The following DOT1L variants were observed in gnomAD, a reference collection of about 807,000 sequenced individuals.
The protein encoded by DOT1L is histone-lysine N-methyltransferase, H3 lysine-79 specific.
Under a neutral mutation model 153.3 loss-of-function variants are expected in DOT1L, and 33 were observed. That is an observed-to-expected ratio of 0.22 (90% CI 0.16 to 0.29). The LOEUF is 0.29. DOT1L is among the 10% of genes least tolerant of loss of function. DOT1L has a pLI of 1.00. For synonymous variants in DOT1L, 1,135 were observed against 965.1 expected, an observed-to-expected ratio of 1.18 and a Z score of -3.26; for missense variants, 1,847 against 2,119.9, an observed-to-expected ratio of 0.87 and a Z score of 2.53.
At chr19:2,165,391 C>T (rs921183338) in intron 1 of DOT1L, among the ~76,000 whole-genome samples, 2 of 152,166 alleles carry the variant, frequency 1.3e-5, no homozygotes. Flanking sequence ...CGGGTCGGTG[C>T]GAGTGGATGG....
intron 19 of DOT1L, 37 bp from the exon 20 acceptor site, chr19:2,216,244 C>G (rs373453217): frequency 6.5e-7 from 1 of 1,530,926 alleles, no homozygotes; most frequent in Non-Finnish European, 8.8e-7. Flanking sequence ...AGTGGTCCCC[C>G]GGTGGGGCGG....
Position 2,222,828 on chromosome 19 carries a change from G to A in DOT1L, c.3390+269G>A, listed in dbSNP as rs1213119961. ...GAACCCGGGAGGCGGGGCTTGCAGT[G>A]AACTGAGATCGGCCACTGCCTGGGC... On this transcript the variant is annotated intron_variant, in intron 24 of 27. Coordinates refer to ENST00000398665, the MANE Select transcript of DOT1L (RefSeq NM_032482.3). This position sits in a 1 kb window ranked among gnomAD's most constrained non-coding sequence, Gnocchi z 6.5. The A allele has an allele frequency of 4.3e-6, 2 of 462,804 alleles. No homozygotes were observed. The allele number at this position is 462,804 out of a possible 1,614,324, so 28.7% of individuals were successfully genotyped here.
At chr19:2,228,174 A>G in intron 27 of DOT1L, 1 of 1,364,002 alleles carries the variant, frequency 7.3e-7, no homozygotes, top group Non-Finnish European at 9.8e-7. Context: ...CCTCCCGCAC[A>G]AGGGCGCCCG....
chr19:2,223,012 G>A (rs979999988), intron 24 of DOT1L: 2 of 517,672 alleles, frequency 3.9e-6, no homozygotes, highest in Non-Finnish European at 3.4e-6. Context: ...GGAGTGCGAT[G>A]CGCTGCCTGC....
Position 2,190,675 on chromosome 19 carries a change from C to T in DOT1L, c.265-337C>T, listed in dbSNP as rs2022752031. The stretch of plus-strand genomic sequence containing the variant: ...TGACGGGGGTCCCTTGGTGTCAGCG[C>T]CCCACCCTGCTGCCTTGGCCCAGAG... On this transcript the variant is annotated intron_variant, in intron 4 of 27. Transcript: ENST00000398665. This position sits in a 1 kb window ranked among gnomAD's most constrained non-coding sequence, Gnocchi z 4.8. 1.3e-5 allele frequency among the ~76,000 whole-genome samples: 2 copies of T among 151,858 alleles called. No homozygotes were observed. The highest frequency in any genetic ancestry group is 1.5e-5 in the Non-Finnish European group (1 of 67,930).
chr19:2,200,441 T>C (rs1460632671), intron 8 of DOT1L, among the ~76,000 whole-genome samples: 1 of 152,186 alleles, frequency 6.6e-6, no homozygotes, highest in Admixed American at 6.5e-5. Flanking sequence ...ACTGTCCAGG[T>C]CCGTCCCCAC....
intron 1 of DOT1L, among the ~76,000 whole-genome samples, chr19:2,165,899 G>A (rs1159365342): frequency 6.6e-6 from 1 of 151,566 alleles, no homozygotes; most frequent in Non-Finnish European, 1.5e-5. Context: ...CTCCCCAGTA[G>A]CTAGGACTAT....
At chr19:2,184,710 C>T (rs2022410311) in intron 2 of DOT1L, among the ~76,000 whole-genome samples, 1 of 152,190 alleles carries the variant, frequency 6.6e-6, no homozygotes, top group Non-Finnish European at 1.5e-5. Context: ...GTCCTGATGG[C>T]ACCGAATGCC....
At chr19:2,194,603 T>C (rs2022938356) in intron 7 of DOT1L, 26 bp downstream of exon 7, 2 of 1,605,416 alleles carry the variant, frequency 1.2e-6, no homozygotes, top group Admixed American at 1.7e-5. Context: ...CCGCCCCGGC[T>C]CCCATCGCCG....
At chr19:2,196,726 G>T (rs963749806) in intron 7 of DOT1L, among the ~76,000 whole-genome samples, 4 of 152,038 alleles carry the variant, frequency 2.6e-5, no homozygotes, top group African/African-American at 9.7e-5. Context: ...TCCCTTTCCC[G>T]TACCCTCGTG....
chr19:2,171,160 G>T (rs1437478574), intron 1 of DOT1L, among the ~76,000 whole-genome samples: 2 of 152,156 alleles, frequency 1.3e-5, no homozygotes, highest in Admixed American at 6.5e-5. Context: ...GCCTTGCTGT[G>T]TTGCCCCAGG....
rs1461920834 is a variant in DOT1L, at chr19:2,217,587, G to A, written c.2545-185G>A. Among the ~76,000 whole-genome samples the A allele has an allele frequency of 6.6e-6, 1 of 152,102 alleles. No individual in the cohort carries two copies. The highest frequency in any genetic ancestry group is 1.5e-5 in the Non-Finnish European group (1 of 68,000). ...TGCTTTCAGACACCAGGAGCGTGCC[G>A]TCCCTCTGGAGTGTCCCAAAGCCGG... On this transcript the variant is annotated intron_variant, in intron 21 of 27. Coordinates refer to ENST00000398665, the MANE Select transcript of DOT1L (RefSeq NM_032482.3). The surrounding 1 kb of genome is among the most constrained non-coding windows in gnomAD (Gnocchi z 7.3).
rs1054713491 is a variant in DOT1L at position 2,204,934 on chromosome 19, G to A, written c.788-1795G>A. ...TCCAGGGGAGGAGAGCTGGGATGGC[G>A]GAGTGTGCATGTGTTTAAATGGATC... is the stretch of plus-strand genomic sequence containing the variant. On this transcript the variant is annotated intron_variant, in intron 9 of 27. Coordinates refer to ENST00000398665, the MANE Select transcript of DOT1L (RefSeq NM_032482.3). This position sits in a 1 kb window ranked among gnomAD's most constrained non-coding sequence, Gnocchi z 5.7. 6.6e-6 allele frequency among the ~76,000 whole-genome samples: 1 copy of A among 152,086 alleles called. No homozygotes were observed. Among genetic ancestry groups the A allele is most frequent in the Non-Finnish European group, 1.5e-5 (1 of 68,004 alleles).
chr19:2,218,878 A>C (rs2024010869), intron 22 of DOT1L, among the ~76,000 whole-genome samples: 1 of 149,682 alleles, frequency 6.7e-6, no homozygotes, highest in Non-Finnish European at 1.5e-5. Context: ...CGCCCCCACC[A>C]GCTGAGACGG....
At chr19:2,227,589 A>AGCCT in intron 27 of DOT1L, 1 of 924,318 alleles carries the variant, frequency 1.1e-6, no homozygotes, top group Non-Finnish European at 1.4e-6. Flanking sequence ...GGCCACCACG[A>AGCCT]GCCTGGCCGA....
chr19:2,184,376 T>G (rs1180750671), intron 2 of DOT1L, among the ~76,000 whole-genome samples: 2 of 152,042 alleles, frequency 1.3e-5, no homozygotes, highest in Admixed American at 6.6e-5. Context: ...TGCTGTGTCT[T>G]TCAGTGTGGA....
At position 2,220,322 on chromosome 19, in the gene DOT1L, G is replaced by A. The variant is rs1278215034; in HGVS notation, c.2806+100G>A. ...TGGGAGTGGAACAGGGCTTCCTGGGGTGATCATGGGGGCTGCTGCCCCAAA... is the reference window on the plus strand; with the variant it reads ...TGGGAGTGGAACAGGGCTTCCTGGGATGATCATGGGGGCTGCTGCCCCAAA... On this transcript the variant is annotated intron_variant, in intron 23 of 27. Coordinates refer to ENST00000398665, the MANE Select transcript of DOT1L (RefSeq NM_032482.3). The surrounding 1 kb of genome is among the most constrained non-coding windows in gnomAD (Gnocchi z 4.5). The A allele has an allele frequency of 1.7e-6, 2 of 1,186,704 alleles. No homozygotes were observed. Among genetic ancestry groups the A allele is most frequent in the African/African-American group, 3.0e-5 (2 of 66,064 alleles). 73.5% of individuals were successfully genotyped at this position (1,186,704 alleles called of 1,614,324 possible). A position where few individuals can be genotyped will look rare whatever the true frequency, so the allele number is the denominator to read the frequency against.
intron 7 of DOT1L, among the ~76,000 whole-genome samples, chr19:2,196,909 T>A (rs1413548872): frequency 6.6e-6 from 1 of 152,234 alleles, no homozygotes; most frequent in Non-Finnish European, 1.5e-5. Flanking sequence ...GTCCTGAGTG[T>A]GCAGCGTGCG....
chr19:2,164,705 C>T (rs1331084422), intron 1 of DOT1L, among the ~76,000 whole-genome samples: 1 of 151,104 alleles, frequency 6.6e-6, no homozygotes. Context: ...GGGCGTTTGT[C>T]ACGCTTTTCC....
Sources: allele counts gnomAD v4.1 joint callset (sites outside exome capture counted in the v4.1 genomes callset), GRCh38; gene constraint gnomAD v4.1.1; non-coding constraint Gnocchi (gnomAD v3.1); transcripts MANE v1.5; gene names NCBI Gene and HGNC (gene_info 2026-07-23, HGNC 2026-07-21).